GALM: variants seen among roughly 807,000 people sequenced by gnomAD.
The protein encoded by GALM is aldose 1-epimerase.
A neutral mutation model predicts 37.4 loss-of-function variants in GALM; 43 were observed. That is an observed-to-expected ratio of 1.15 (90% CI 0.90 to 1.48). GALM has a LOEUF of 1.48. Among genes scored for constraint, GALM ranks in the 40% most tolerant of loss-of-function variants. GALM has a pLI of 0.00. For synonymous variants in GALM, 199 were observed against 170.6 expected, an observed-to-expected ratio of 1.17 and a Z score of -1.30; for missense variants, 456 against 419.1, an observed-to-expected ratio of 1.09 and a Z score of -0.77.
intron 3 of GALM, among the ~76,000 whole-genome samples, chr2:38,682,447 G>C (rs558912444): frequency 6.6e-6 from 1 of 152,254 alleles, no homozygotes; most frequent in South Asian, 2.1e-4. Flanking sequence ...TGTTTCAGGA[G>C]TTTGCTGATG....
At chr2:38,732,719 G>A (rs546229396) in intron 6 of GALM, among the ~76,000 whole-genome samples, 34 of 151,744 alleles carry the variant, frequency 2.2e-4, no homozygotes, top group African/African-American at 8.0e-4. Flanking sequence ...CTGAGATTGA[G>A]GCTAACCTGG....
At chr2:38,712,584 C>T (rs1338038894) in intron 4 of GALM, among the ~76,000 whole-genome samples, 12 of 152,144 alleles carry the variant, frequency 7.9e-5, no homozygotes, top group African/African-American at 1.7e-4. Context: ...ATCCCAGAGG[C>T]GATAATGACC....
At chr2:38,689,210 C>T (rs1190754279) in intron 3 of GALM, among the ~76,000 whole-genome samples, 1 of 152,198 alleles carries the variant, frequency 6.6e-6, no homozygotes, top group Non-Finnish European at 1.5e-5. Context: ...GAACTACACC[C>T]CAGGCCTTCT....
chr2:38,698,316 T>C (rs1371223273), intron 4 of GALM: 8 of 1,008,082 alleles, frequency 7.9e-6, no homozygotes, highest in African/African-American at 1.7e-5. Context: ...CAGTGGTGTA[T>C]TGAGTGCATA....
chr2:38,700,579 G>C (rs1665897798), intron 4 of GALM, among the ~76,000 whole-genome samples: 1 of 151,974 alleles, frequency 6.6e-6, no homozygotes, highest in African/African-American at 2.4e-5. Flanking sequence ...TGTTTGCATG[G>C]AATATCTTTT....
chr2:38,731,016 A>G (rs1203584906), intron 5 of GALM, among the ~76,000 whole-genome samples: 2 of 152,114 alleles, frequency 1.3e-5, no homozygotes, highest in African/African-American at 4.8e-5. Flanking sequence ...ACCTGAGGTC[A>G]GTAGTTCAAG....
chr2:38,706,187 G>A (rs995139609), intron 4 of GALM, among the ~76,000 whole-genome samples: 1 of 151,562 alleles, frequency 6.6e-6, no homozygotes, highest in African/African-American at 2.4e-5. Context: ...GTATTTTTAG[G>A]AGAGACGAGG....
chr2:38,730,550 C>T (rs1393586700), intron 5 of GALM, among the ~76,000 whole-genome samples: 1 of 152,118 alleles, frequency 6.6e-6, no homozygotes, highest in African/African-American at 2.4e-5. Context: ...CAGGTGTAAG[C>T]CACTGCACCC....
At position 38,666,167 on chromosome 2, in the gene GALM, T is replaced by C; in HGVS notation, c.6T>C (p.Ala2=). 1.2e-6 allele frequency: 2 copies of C among 1,611,316 alleles called. No individual in the cohort carries two copies. The highest frequency in any genetic ancestry group is 1.7e-6 in the Non-Finnish European group (2 of 1,178,430). The part of the protein sequence containing the change: M[A]SVTRAVFGEL... ...GCACACGCCAAACTTTCCCTATGGC[T>C]TCGGTGACCAGGGCCGTGTTTGGAG... Residue 2 remains alanine (A), a synonymous_variant, in exon 1 of 7, where the codon GCT becomes GCC. Coordinates refer to ENST00000272252, the MANE Select transcript of GALM (RefSeq NM_138801.3).
At chr2:38,680,384 A>G (rs769625799) in intron 2 of GALM, among the ~76,000 whole-genome samples, 7 of 152,102 alleles carry the variant, frequency 4.6e-5, no homozygotes, top group Non-Finnish European at 8.8e-5. Flanking sequence ...TTAGAATCAT[A>G]TTTTCTGGAA....
chr2:38,681,401 A>G lies in GALM; in HGVS notation c.467A>G (p.Glu156Gly). 6.2e-7 allele frequency: 1 copy of G among 1,614,086 alleles called. No homozygotes were observed. ...GTGACATACACCCTGGATGGCGGAG[A>G]GCTCATAGTCAACTACAGAGCACAA... ...VWVTYTLDGG[E>G]LIVNYRAQAS... Residue 156 changes from glutamate (E) to glycine (G), a missense_variant, in exon 3 of 7, where the codon GAG becomes GGG. Transcript: ENST00000272252.
At chr2:38,720,720 C>G (rs1182999143) in intron 4 of GALM, among the ~76,000 whole-genome samples, 5 of 152,200 alleles carry the variant, frequency 3.3e-5, no homozygotes, top group Non-Finnish European at 7.3e-5. Flanking sequence ...GGCTTGTTCA[C>G]TCACATGTCT....
At chr2:38,716,132 C>A (rs573268574) in intron 4 of GALM, among the ~76,000 whole-genome samples, 1 of 152,200 alleles carries the variant, frequency 6.6e-6, no homozygotes, top group African/African-American at 2.4e-5. Context: ...ATGCAGTTTG[C>A]CTAATCAGCC....
At position 38,675,934 on chromosome 2, in the gene GALM, C is replaced by G. The variant is rs766850711; in HGVS notation, c.213C>G (p.Tyr71Ter). 3 of 1,613,990 alleles carry G rather than the reference C, an allele frequency of 1.9e-6. No individual in the cohort carries two copies. The highest frequency in any genetic ancestry group is 1.7e-6 in the Non-Finnish European group (2 of 1,179,996). The change falls in exon 2 of 7, where the codon TAC becomes TAG. Residue 71 changes from tyrosine to a stop codon, truncating the protein, a stop_gained. Coordinates refer to ENST00000272252, the MANE Select transcript of GALM (RefSeq NM_138801.3). LOFTEE classifies it high-confidence loss of function. ...ELEGYLQKQPYFGAVIGRVAN... is the reference protein window; with the variant it reads ...ELEGYLQKQP Reference sequence around the variant, plus strand: ...CAGGATACCTCCAAAAGCAGCCATACTTTGGAGCAGTTATTGGGAGGGTGG... The same window carrying G: ...CAGGATACCTCCAAAAGCAGCCATAGTTTGGAGCAGTTATTGGGAGGGTGG...
At position 38,723,882 on chromosome 2, in the gene GALM, A is replaced by G. The variant is rs111449754; in HGVS notation, c.635-5674A>G. 2.0e-3 allele frequency among the ~76,000 whole-genome samples: 297 copies of G among 152,286 alleles called. 4 individuals are homozygous for G. The highest frequency in any genetic ancestry group is 0.01 in the Middle Eastern group (3 of 294). On this transcript the variant is annotated intron_variant, in intron 4 of 6. Coordinates refer to ENST00000272252, the MANE Select transcript of GALM (RefSeq NM_138801.3). Reference sequence around the variant, plus strand: ...TCTTTGTTTTCCAGACATGCTGAGGACCACCTAGGCTGTGTGTGCACTCTG... The same window carrying G: ...TCTTTGTTTTCCAGACATGCTGAGGGCCACCTAGGCTGTGTGTGCACTCTG...
At position 38,675,003 on chromosome 2, in the gene GALM, C is replaced by T. The variant is rs111495926; in HGVS notation, c.191-909C>T. On this transcript the variant is annotated intron_variant, in intron 1 of 6. Coordinates refer to ENST00000272252, the MANE Select transcript of GALM (RefSeq NM_138801.3). ...CAGCCTGGCCAACATGGTGAAACCCCGTCTCTACTAAAAATACAAAAATTA... is the reference window on the plus strand; with the variant it reads ...CAGCCTGGCCAACATGGTGAAACCCTGTCTCTACTAAAAATACAAAAATTA... 0.012 allele frequency among the ~76,000 whole-genome samples: 1,864 copies of T among 152,148 alleles called. 85 individuals are homozygous for T. The East Asian group carries it at 0.17, about 14-fold the overall frequency.
At chr2:38,674,485 G>A (rs1282191872) in intron 1 of GALM, among the ~76,000 whole-genome samples, 1 of 152,114 alleles carries the variant, frequency 6.6e-6, no homozygotes, top group African/African-American at 2.4e-5. Context: ...ACCGCGCCTG[G>A]ACACAACTTT....
At chr2:38,683,312 C>T (rs1320678177) in intron 3 of GALM, among the ~76,000 whole-genome samples, 1 of 152,124 alleles carries the variant, frequency 6.6e-6, no homozygotes, top group East Asian at 1.9e-4. Context: ...AGATCATAGA[C>T]CCCACCCAAA....
Position 38,693,805 on chromosome 2 carries a change from C to T in GALM, c.634+3911C>T, listed in dbSNP as rs79923867. 1.9e-3 allele frequency among the ~76,000 whole-genome samples: 286 copies of T among 152,270 alleles called. 6 individuals carry two copies. The East Asian group carries it at 0.045, about 24-fold the overall frequency. On this transcript the variant is annotated intron_variant, in intron 4 of 6. Coordinates refer to ENST00000272252, the MANE Select transcript of GALM (RefSeq NM_138801.3). The stretch of plus-strand genomic sequence containing the variant: ...ACCCAGTTAACAAGTTGGGGAAAGC[C>T]GGGATTCACACCAAGGTAGTCTGGT...
Sources: allele counts gnomAD v4.1 joint callset (sites outside exome capture counted in the v4.1 genomes callset), GRCh38; gene constraint gnomAD v4.1.1; transcripts MANE v1.5; gene names NCBI Gene and HGNC (gene_info 2026-07-23, HGNC 2026-07-21).